RBFOX1: variants seen among roughly 807,000 people sequenced by gnomAD.
RBFOX1 encodes the protein RNA binding fox-1 homolog 1.
Under a neutral mutation model 57.7 loss-of-function variants are expected in RBFOX1, and 8 were observed. The ratio of observed to expected loss-of-function variants is 0.14; its 90% CI spans 0.08 to 0.25. RBFOX1 has a LOEUF of 0.25. Ranked by LOEUF, RBFOX1 falls within the 10% of genes least tolerant of loss-of-function variation. RBFOX1 has a pLI of 1.00. For missense variants in RBFOX1, 611 were observed against 548.5 expected (o/e 1.11, Z -1.14); for synonymous variants, 326 against 222.4 (o/e 1.47, Z -4.15).
intron 3 of RBFOX1, among the ~76,000 whole-genome samples, chr16:5,631,846 A>G (rs1186093764): frequency 2.0e-5 from 3 of 152,174 alleles, no homozygotes; most frequent in Non-Finnish European, 4.4e-5. Flanking sequence ...AATTTGGCCA[A>G]AGGCAGCTCC....
intron 2 of RBFOX1, among the ~76,000 whole-genome samples, chr16:6,458,163 G>C (rs1350270988): frequency 6.6e-6 from 1 of 152,172 alleles, no homozygotes; most frequent in East Asian, 1.9e-4. Flanking sequence ...TGCAAACACG[G>C]CCCCTCCCTG....
chr16:7,313,799 C>T (rs1161901166), intron 4 of RBFOX1, among the ~76,000 whole-genome samples: 1 of 152,020 alleles, frequency 6.6e-6, no homozygotes, highest in Non-Finnish European at 1.5e-5. Flanking sequence ...TATTTAAAAC[C>T]AGACACTTTT....
chr16:6,396,697 A>T (rs899574536), intron 2 of RBFOX1, among the ~76,000 whole-genome samples: 1 of 152,192 alleles, frequency 6.6e-6, no homozygotes, highest in African/African-American at 2.4e-5. Context: ...CCTCATTAAT[A>T]TATTATCCAT....
chr16:5,490,995 C>G (rs1385961246), intron 2 of RBFOX1, among the ~76,000 whole-genome samples: 2 of 152,076 alleles, frequency 1.3e-5, no homozygotes, highest in African/African-American at 4.8e-5. Context: ...TATAGAAAAC[C>G]AAATGCGCAA....
chr16:6,906,257 C>G (rs893021160), intron 3 of RBFOX1, among the ~76,000 whole-genome samples: 1 of 149,630 alleles, frequency 6.7e-6, no homozygotes, highest in Non-Finnish European at 1.5e-5. Flanking sequence ...CCAAAATATA[C>G]ATTGTCATGT....
At chr16:5,649,768 G>A (rs2049171801) in intron 3 of RBFOX1, among the ~76,000 whole-genome samples, 1 of 152,188 alleles carries the variant, frequency 6.6e-6, no homozygotes, top group Admixed American at 6.5e-5. Context: ...ACAACTCGCT[G>A]TTTTCACTCA....
At chr16:7,090,575 A>AT (rs956546350) in intron 4 of RBFOX1, among the ~76,000 whole-genome samples, 9 of 152,232 alleles carry the variant, frequency 5.9e-5, no homozygotes, top group Admixed American at 1.3e-4. Flanking sequence ...AGATTTATAC[A>AT]TTTTTTTCCC....
At chr16:5,501,786 T>G (rs1431151986) in intron 2 of RBFOX1, among the ~76,000 whole-genome samples, 2 of 152,104 alleles carry the variant, frequency 1.3e-5, no homozygotes, top group Non-Finnish European at 2.9e-5. Flanking sequence ...CGGTCACAGC[T>G]CCCTGCAGTC....
At chr16:6,859,774 G>A (rs1425449856) in intron 3 of RBFOX1, among the ~76,000 whole-genome samples, 2 of 152,072 alleles carry the variant, frequency 1.3e-5, no homozygotes, top group African/African-American at 2.4e-5. Context: ...TGAAGTTACT[G>A]CTAAGGCTCC....
intron 4 of RBFOX1, among the ~76,000 whole-genome samples, chr16:7,441,119 C>T (rs1043281582): frequency 2.0e-5 from 3 of 152,180 alleles, no homozygotes; most frequent in Non-Finnish European, 4.4e-5. Context: ...AGTGACCTGC[C>T]TTCCTCTATA....
chr16:6,107,746 T>C (rs916343170), intron 1 of RBFOX1, among the ~76,000 whole-genome samples: 4 of 150,634 alleles, frequency 2.7e-5, no homozygotes, highest in Non-Finnish European at 5.9e-5. Context: ...GGTGGATGGA[T>C]GGATGGGTGT....
chr16:7,376,542 A>T (rs1284031027), intron 4 of RBFOX1, among the ~76,000 whole-genome samples: 3 of 152,086 alleles, frequency 2.0e-5, no homozygotes, highest in African/African-American at 7.2e-5. Flanking sequence ...CTAAATTCAG[A>T]TTTTCCAACC....
At chr16:6,719,677 A>C (rs1191489440) in intron 3 of RBFOX1, among the ~76,000 whole-genome samples, 2 of 151,402 alleles carry the variant, frequency 1.3e-5, no homozygotes, top group African/African-American at 2.4e-5. Context: ...TGATCTCCTG[A>C]CCTTGTGATC....
At chr16:6,676,839 C>G (rs1342258811) in intron 3 of RBFOX1, among the ~76,000 whole-genome samples, 1 of 151,794 alleles carries the variant, frequency 6.6e-6, no homozygotes, top group Non-Finnish European at 1.5e-5. Flanking sequence ...CCACTCCCAG[C>G]TAATTTTTGT....
intron 3 of RBFOX1, among the ~76,000 whole-genome samples, chr16:7,010,029 T>C (rs1481309421): frequency 7.4e-6 from 1 of 134,358 alleles, no homozygotes; most frequent in East Asian, 2.6e-4. Flanking sequence ...AGAGAACTCT[T>C]AAGAAAAAAA....
chr16:5,245,836 A>T (rs1404772395), intron 1 of RBFOX1, among the ~76,000 whole-genome samples: 1 of 152,274 alleles, frequency 6.6e-6, no homozygotes, highest in Admixed American at 6.5e-5. Context: ...ATCAAATGTC[A>T]ATTAACCATT....
chr16:5,299,295 G>A (rs1445777486), intron 1 of RBFOX1, among the ~76,000 whole-genome samples: 7 of 151,960 alleles, frequency 4.6e-5, no homozygotes, highest in African/African-American at 1.5e-4. Flanking sequence ...TAGTTGATAA[G>A]TAGCAGTCCA....
rs1439127779 is a variant in RBFOX1 at position 6,469,353 on chromosome 16, GA to G, written c.-64+152299del. On this transcript the variant is annotated intron_variant, in intron 2 of 15. Transcript: ENST00000550418. ...AATGATCCCACTGACAATCCCTCTG[GA>G]AAGTCTCCAGTTGAAGCCTACCCTA... is the stretch of plus-strand genomic sequence containing the variant. Among the ~76,000 whole-genome samples, 19 of 152,206 alleles carry G rather than the reference GA, an allele frequency of 1.2e-4. No homozygotes were observed. The East Asian group carries it at 3.5e-3, about 28-fold the overall frequency.
At chr16:7,289,372 A>T (rs905489704) in intron 4 of RBFOX1, among the ~76,000 whole-genome samples, 3 of 151,950 alleles carry the variant, frequency 2.0e-5, no homozygotes, top group Non-Finnish European at 4.4e-5. Flanking sequence ...AATCAACAGT[A>T]GCCAGATTAT....
Sources: gnomAD v4.1 joint callset for allele counts (sites outside exome capture counted in the v4.1 genomes callset) on GRCh38, gnomAD v4.1.1 for gene constraint, MANE v1.5 for transcripts, NCBI Gene and HGNC (gene_info 2026-07-23, HGNC 2026-07-21) for gene names.